The following DPP10 variants were observed in gnomAD, a reference collection of about 807,000 sequenced individuals.
DPP10 encodes dipeptidyl peptidase like 10.
DPP10 carries 33 observed loss-of-function variants against 120.9 expected under a neutral mutation model. The ratio of observed to expected loss-of-function variants is 0.27; its 90% CI spans 0.21 to 0.37. The LOEUF is 0.37. DPP10 is among the 10% of genes least tolerant of loss of function. The pLI is 1.00. For missense variants in DPP10, 816 were observed against 942.8 expected (o/e 0.87, Z 1.76); for synonymous variants, 337 against 326.1 (o/e 1.03, Z -0.36).
chr2:114,560,561 C>T (rs1219082893), intron 1 of DPP10, among the ~76,000 whole-genome samples: 5 of 152,250 alleles, frequency 3.3e-5, no homozygotes, highest in Admixed American at 2.6e-4. Context: ...AGGCTTGGCA[C>T]TGGTCCTGGG....
chr2:115,832,218 G>A (rs902902859), intron 21 of DPP10, among the ~76,000 whole-genome samples: 1 of 152,202 alleles, frequency 6.6e-6, no homozygotes, highest in Non-Finnish European at 1.5e-5. Context: ...TCTGGGGCTG[G>A]TGGGGCACAC....
rs2090097580 is a variant in DPP10 at position 115,674,072 on chromosome 2, C to T, written c.442-15615C>T. Among the ~76,000 whole-genome samples, 4 of 151,730 alleles carry T rather than the reference C, an allele frequency of 2.6e-5. No individual in the cohort carries two copies. In the South Asian group the frequency reaches 8.3e-4, roughly 32 times the overall value. On this transcript the variant is annotated intron_variant, in intron 5 of 25. Transcript: ENST00000410059. The stretch of plus-strand genomic sequence containing the variant: ...ACAAACAAAACAAAACAAAACAAAA[C>T]AAACTAGCTGGGCATGGTGACGCTT...
chr2:114,996,906 C>T (rs1701121795), intron 1 of DPP10, among the ~76,000 whole-genome samples: 1 of 143,788 alleles, frequency 7.0e-6, no homozygotes, highest in Non-Finnish European at 1.5e-5. Flanking sequence ...TGCTTGAACC[C>T]GGGAGGCGGA....
chr2:115,650,342 G>C (rs1284981024), intron 5 of DPP10, among the ~76,000 whole-genome samples: 2 of 144,232 alleles, frequency 1.4e-5, no homozygotes, highest in Admixed American at 1.4e-4. Flanking sequence ...TTTTTGACAT[G>C]ACAACTTCTT....
chr2:115,695,767 T>A (rs1020035625), intron 7 of DPP10, among the ~76,000 whole-genome samples: 2 of 151,674 alleles, frequency 1.3e-5, no homozygotes, highest in Non-Finnish European at 2.9e-5. Context: ...AATAAAAAAA[T>A]TACAAAGAAT....
chr2:114,963,992 T>G (rs942013471), intron 1 of DPP10, among the ~76,000 whole-genome samples: 2 of 152,172 alleles, frequency 1.3e-5, no homozygotes, highest in African/African-American at 4.8e-5. Context: ...GAGTTCTTTA[T>G]GGTTGAAGAA....
chr2:115,457,227 G>A (rs2073633412), intron 3 of DPP10, among the ~76,000 whole-genome samples: 1 of 151,712 alleles, frequency 6.6e-6, no homozygotes, highest in South Asian at 2.1e-4. Flanking sequence ...GAAAAAAAAT[G>A]AATTTAGACC....
intron 1 of DPP10, among the ~76,000 whole-genome samples, chr2:115,160,866 G>A (rs949207144): frequency 2.0e-5 from 3 of 152,010 alleles, no homozygotes; most frequent in East Asian, 1.9e-4. Flanking sequence ...TAGGTTTGCC[G>A]TGTTGTTTAG....
intron 1 of DPP10, among the ~76,000 whole-genome samples, chr2:114,560,886 G>A (rs934512811): frequency 7.9e-5 from 12 of 152,130 alleles, no homozygotes; most frequent in African/African-American, 1.7e-4. Context: ...TGTCATTTTC[G>A]CTGGCTCCTT....
intron 1 of DPP10, among the ~76,000 whole-genome samples, chr2:114,837,114 T>C (rs376062238): frequency 2.6e-5 from 4 of 152,130 alleles, no homozygotes; most frequent in African/African-American, 7.2e-5. Flanking sequence ...GTTTACAAGA[T>C]GACAGGATTA....
chr2:115,472,151 C>T (rs548014527), intron 3 of DPP10, among the ~76,000 whole-genome samples: 119 of 152,124 alleles, frequency 7.8e-4, no homozygotes, highest in African/African-American at 2.8e-3. Context: ...GATAATAACC[C>T]TTTATGTGTT....
intron 1 of DPP10, among the ~76,000 whole-genome samples, chr2:114,973,661 C>CAAAAAAAGAAA (rs1699548342): frequency 1.4e-5 from 1 of 71,034 alleles, no homozygotes; most frequent in Admixed American, 2.2e-4. Context: ...GACTCCGTCT[C>CAAAAAAAGAAA]AAAAAAAAAA....
chr2:114,953,245 C>T (rs1252732285), intron 1 of DPP10, among the ~76,000 whole-genome samples: 1 of 152,048 alleles, frequency 6.6e-6, no homozygotes, highest in South Asian at 2.1e-4. Context: ...CGCTATAGAA[C>T]CATTAGGCTC....
Position 115,113,315 on chromosome 2 carries a change from T to C in DPP10, c.61-195924T>C, listed in dbSNP as rs1389501337. Among the ~76,000 whole-genome samples the C allele has an allele frequency of 3.3e-5, 5 of 152,228 alleles. No individual in the cohort carries two copies. The South Asian group carries it at 1.0e-3, about 32-fold the overall frequency. Reference sequence around the variant, plus strand: ...GTGGGTATATTTAAATGTGTCTATATGTGCTTTTTAAAGTCTAAATGTTCC... The same window carrying C: ...GTGGGTATATTTAAATGTGTCTATACGTGCTTTTTAAAGTCTAAATGTTCC... On this transcript the variant is annotated intron_variant, in intron 1 of 25. Coordinates refer to ENST00000410059, the MANE Select transcript of DPP10 (RefSeq NM_020868.6).
intron 1 of DPP10, among the ~76,000 whole-genome samples, chr2:114,450,801 A>G (rs910435859): frequency 6.6e-6 from 1 of 151,966 alleles, no homozygotes; most frequent in Admixed American, 6.6e-5. Flanking sequence ...AACAGAGACA[A>G]CCCCTGTTGT....
At chr2:115,163,152 C>T (rs1211121688) in intron 1 of DPP10, among the ~76,000 whole-genome samples, 2 of 152,166 alleles carry the variant, frequency 1.3e-5, no homozygotes, top group Non-Finnish European at 2.9e-5. Flanking sequence ...AGAGGGAGCG[C>T]ACGCGGCTAG....
At chr2:114,997,337 A>AG (rs1305381085) in intron 1 of DPP10, among the ~76,000 whole-genome samples, 1 of 150,706 alleles carries the variant, frequency 6.6e-6, no homozygotes, top group Non-Finnish European at 1.5e-5. Context: ...AAAAAAAAAA[A>AG]AAAAATTAGC....
chr2:115,099,531 C>T lies in DPP10; in HGVS notation c.61-209708C>T, dbSNP rs78491777. Among the ~76,000 whole-genome samples, 120 of 152,230 alleles carry T rather than the reference C, an allele frequency of 7.9e-4. No individual in the cohort carries two copies. In the East Asian group the frequency reaches 0.021, roughly 27 times the overall value. Reference sequence around the variant, plus strand: ...TGTTAATGGGGCTTTTGTGGCCCCTCAAGGTCAAGGACCTTTAAACCTCTA... The same window carrying T: ...TGTTAATGGGGCTTTTGTGGCCCCTTAAGGTCAAGGACCTTTAAACCTCTA... On this transcript the variant is annotated intron_variant, in intron 1 of 25. Coordinates refer to ENST00000410059, the MANE Select transcript of DPP10 (RefSeq NM_020868.6).
At chr2:114,733,822 A>C (rs1317834741) in intron 1 of DPP10, among the ~76,000 whole-genome samples, 1 of 152,152 alleles carries the variant, frequency 6.6e-6, no homozygotes, top group Admixed American at 6.6e-5. Context: ...AGATGTTTCT[A>C]TTTTCTTCCG....
Sources: allele counts gnomAD v4.1 joint callset (sites outside exome capture counted in the v4.1 genomes callset), GRCh38; gene constraint gnomAD v4.1.1; transcripts MANE v1.5; gene names NCBI Gene and HGNC (gene_info 2026-07-23, HGNC 2026-07-21).